TMEM255B: variants seen among roughly 807,000 people sequenced by gnomAD.
TMEM255B encodes family with sequence similarity 70, member B.
TMEM255B carries 35 observed loss-of-function variants against 34.5 expected under a neutral mutation model. The ratio of observed to expected loss-of-function variants is 1.01; its 90% CI spans 0.77 to 1.34. The LOEUF is 1.34. TMEM255B is among the 40% of genes most tolerant of loss of function. The pLI, the probability that TMEM255B is intolerant of heterozygous loss-of-function variation, is 0.00. For synonymous variants in TMEM255B, 206 were observed against 201.2 expected, an observed-to-expected ratio of 1.02 and a Z score of -0.20; for missense variants, 432 against 433.2, an observed-to-expected ratio of 1.00 and a Z score of 0.02.
intron 3 of TMEM255B, among the ~76,000 whole-genome samples, chr13:113,774,815 AC>A (rs2050541672): frequency 6.6e-6 from 1 of 150,406 alleles, no homozygotes; most frequent in Admixed American, 6.6e-5. Context: ...CACTACACAC[AC>A]CACCTACAAC....
intron 3 of TMEM255B, among the ~76,000 whole-genome samples, chr13:113,792,741 G>A (rs961418903): frequency 6.6e-6 from 1 of 152,270 alleles, no homozygotes; most frequent in African/African-American, 2.4e-5. Flanking sequence ...TTTTTAAATT[G>A]CCACAGCCTG....
chr13:113,800,792 C>T (rs1393176747), intron 5 of TMEM255B, 35 bp from the exon 6 acceptor site: 1 of 1,572,734 alleles, frequency 6.4e-7, no homozygotes, highest in Non-Finnish European at 8.6e-7. Flanking sequence ...GTGGTGGGCA[C>T]CGGCATGTGA....
intron 3 of TMEM255B, among the ~76,000 whole-genome samples, chr13:113,778,411 T>C (rs1275965649): frequency 1.3e-5 from 2 of 152,136 alleles, no homozygotes; most frequent in Non-Finnish European, 2.9e-5. Context: ...TTTCACCTGC[T>C]GTAATGATAT....
In TMEM255B at chr13:113,799,754, C is replaced by T. The variant is rs959284509; in HGVS notation, c.423+335C>T. The stretch of plus-strand genomic sequence containing the variant: ...GCAAGGATAATACATTTACAGTGTC[C>T]GAGAAACTTCTGGATTTCCCTGAGC... On this transcript the variant is annotated intron_variant, in intron 5 of 8. Coordinates refer to ENST00000375353, the MANE Select transcript of TMEM255B (RefSeq NM_182614.4). 85 of 694,314 alleles carry T rather than the reference C, an allele frequency of 1.2e-4. 1 individual carries two copies. Among genetic ancestry groups the T allele is most frequent in the Non-Finnish European group, 2.0e-4 (76 of 371,650 alleles). 43.0% of individuals were successfully genotyped at this position (694,314 alleles called of 1,614,324 possible).
intron 3 of TMEM255B, among the ~76,000 whole-genome samples, chr13:113,771,395 A>T (rs2050475382): frequency 6.6e-6 from 1 of 152,094 alleles, no homozygotes; most frequent in Admixed American, 6.5e-5. Flanking sequence ...ATAATCCACT[A>T]TATGGGCCGG....
rs532053472 is a variant in TMEM255B at position 113,806,657 on chromosome 13, A to G, written c.813+1629A>G. ...CAGGCAGGCGCGTCTGCTTGGTGCC[A>G]CAGGCAGCTTCATCCTTCCCCAAGC... On this transcript the variant is annotated intron_variant, in intron 8 of 8. Transcript: ENST00000375353. This position sits in a 1 kb window ranked among gnomAD's most constrained non-coding sequence, Gnocchi z 4.2. Among the ~76,000 whole-genome samples, 1 of 152,204 alleles carries G rather than the reference A, an allele frequency of 6.6e-6. No individual in the cohort carries two copies. The highest frequency in any genetic ancestry group is 2.4e-5 in the African/African-American group (1 of 41,532).
At chr13:113,761,022 T>G (rs995848524) in intron 1 of TMEM255B, among the ~76,000 whole-genome samples, 2 of 152,046 alleles carry the variant, frequency 1.3e-5, no homozygotes, top group Non-Finnish European at 2.9e-5. Flanking sequence ...GGTAGGATTA[T>G]GGGTTTTTCT....
chr13:113,787,949 C>T (rs181802920), intron 3 of TMEM255B, among the ~76,000 whole-genome samples: 30 of 144,256 alleles, frequency 2.1e-4, no homozygotes, highest in African/African-American at 6.7e-4. Flanking sequence ...AGGGCATGGA[C>T]GGGGAGGAGG....
intron 7 of TMEM255B, among the ~76,000 whole-genome samples, chr13:113,802,362 C>A (rs897082752): frequency 6.6e-6 from 1 of 152,208 alleles, no homozygotes; most frequent in East Asian, 1.9e-4. Flanking sequence ...CCTCCTCTGC[C>A]CTCTCCTGGC....
intron 8 of TMEM255B, among the ~76,000 whole-genome samples, chr13:113,807,772 G>C (rs1388925594): frequency 7.2e-6 from 1 of 138,896 alleles, no homozygotes; most frequent in Non-Finnish European, 1.6e-5. Flanking sequence ...TCACACGCAG[G>C]CTTACGGGAT....
In TMEM255B at chr13:113,774,573, GAC is replaced by G. The variant is rs147427955; in HGVS notation, c.252+5422_252+5423del. 9.5e-5 allele frequency among the ~76,000 whole-genome samples: 13 copies of G among 136,488 alleles called. No individual in the cohort carries two copies. The East Asian group carries it at 1.4e-3, about 15-fold the overall frequency. The allele number at this position is 136,488 out of a possible 152,430, so 89.5% of individuals were successfully genotyped here. ...CACACCACACACACACAACACACAT[GAC>G]ACACACACCACACAACACACAAATG... On this transcript the variant is annotated intron_variant, in intron 3 of 8. Coordinates refer to ENST00000375353, the MANE Select transcript of TMEM255B (RefSeq NM_182614.4).
chr13:113,772,082 T>G (rs1025421525), intron 3 of TMEM255B, among the ~76,000 whole-genome samples: 5 of 152,230 alleles, frequency 3.3e-5, no homozygotes, highest in African/African-American at 1.2e-4. Flanking sequence ...TGATTGCATT[T>G]CCCTGATGAT....
intron 1 of TMEM255B, among the ~76,000 whole-genome samples, chr13:113,764,836 A>G (rs1025831087): frequency 2.0e-5 from 3 of 152,172 alleles, no homozygotes; most frequent in African/African-American, 7.2e-5. Flanking sequence ...TGGAGACAGC[A>G]GGTACAAAGG....
At chr13:113,787,661 A>G (rs749669344) in intron 3 of TMEM255B, among the ~76,000 whole-genome samples, 1 of 152,114 alleles carries the variant, frequency 6.6e-6, no homozygotes, top group East Asian at 1.9e-4. Context: ...GAAATTGTAC[A>G]TGGCTTAGAA....
rs748415822 is a variant in TMEM255B at position 113,769,233 on chromosome 13, G to C, written c.252+73G>C. On this transcript the variant is annotated intron_variant, in intron 3 of 8. Transcript: ENST00000375353. The surrounding 1 kb of genome is among the most constrained non-coding windows in gnomAD (Gnocchi z 4.2). ...GATGGTACAGCTGCACTGGGGCTCTGAGAAGAGTCAGCCCTGCCTCCCCAG... is the reference window on the plus strand; with the variant it reads ...GATGGTACAGCTGCACTGGGGCTCTCAGAAGAGTCAGCCCTGCCTCCCCAG... 2.6e-6 allele frequency: 4 copies of C among 1,555,642 alleles called. No homozygotes were observed. Among genetic ancestry groups the C allele is most frequent in the Non-Finnish European group, 2.7e-6 (3 of 1,127,872 alleles).
In TMEM255B at chr13:113,813,285, G is replaced by A. The variant is rs2051363589; in HGVS notation, c.*1382G>A. ...CCAGTCACTCCCTCTCCCCTCGGAA[G>A]CTGGCGCCTCCAGGCCTCACCGCTC... On this transcript the variant is annotated 3_prime_UTR_variant, in exon 9 of 9. Transcript: ENST00000375353. 6.6e-6 allele frequency: 1 copy of A among 152,308 alleles called. No individual in the cohort carries two copies. Among genetic ancestry groups the A allele is most frequent in the Non-Finnish European group, 1.5e-5 (1 of 68,158 alleles). 9.4% of individuals were successfully genotyped at this position (152,308 alleles called of 1,614,324 possible). A position where few individuals can be genotyped will look rare whatever the true frequency, so the allele number is the denominator to read the frequency against.
At chr13:113,772,785 A>G (rs972629161) in intron 3 of TMEM255B, among the ~76,000 whole-genome samples, 2 of 152,234 alleles carry the variant, frequency 1.3e-5, no homozygotes, top group Non-Finnish European at 2.9e-5. Context: ...TTGTGCCGGT[A>G]CCACAGTCTT....
chr13:113,800,068 G>A, intron 5 of TMEM255B: 1 of 1,200,284 alleles, frequency 8.3e-7, no homozygotes. Context: ...GGCATCGTGT[G>A]TGTGTGTGTG....
intron 5 of TMEM255B, 146 bp from the exon 6 acceptor site, chr13:113,800,681 C>T (rs2051037665): frequency 1.4e-6 from 1 of 720,390 alleles, no homozygotes; most frequent in Non-Finnish European, 2.4e-6. Flanking sequence ...GCCTCTGTGT[C>T]TGGAGTCGGG....
Sources: gnomAD v4.1 joint callset for allele counts (sites outside exome capture counted in the v4.1 genomes callset) on GRCh38, gnomAD v4.1.1 for gene constraint, Gnocchi (gnomAD v3.1) non-coding constraint, MANE v1.5 for transcripts, NCBI Gene and HGNC (gene_info 2026-07-23, HGNC 2026-07-21) for gene names.